SUMF1: variants seen among roughly 807,000 people sequenced by gnomAD.
SUMF1 encodes formylglycine-generating enzyme.
In SUMF1, 48 loss-of-function variants were observed where a neutral mutation model predicts 47.6. The ratio of observed to expected loss-of-function variants is 1.01; its 90% CI spans 0.80 to 1.28. The LOEUF (loss-of-function observed/expected upper bound fraction) is 1.28, where lower values mean the gene tolerates loss of function less well. Among genes scored for constraint, SUMF1 ranks in the 50% most tolerant of loss-of-function variants. The pLI is 0.00. For missense variants in SUMF1, 571 were observed against 485.4 expected, an observed-to-expected ratio of 1.18 and a Z score of -1.66; for synonymous variants, 230 against 192.1, an observed-to-expected ratio of 1.20 and a Z score of -1.63.
intron 8 of SUMF1, among the ~76,000 whole-genome samples, chr3:4,344,658 A>G (rs1487830449): frequency 1.3e-5 from 2 of 152,172 alleles, no homozygotes; most frequent in African/African-American, 4.8e-5. Flanking sequence ...CTCTCCATCA[A>G]GGGCGCAGAA....
intron 8 of SUMF1, among the ~76,000 whole-genome samples, chr3:4,143,633 G>A (rs977043997): frequency 6.6e-6 from 1 of 152,230 alleles, no homozygotes; most frequent in African/African-American, 2.4e-5. Context: ...TAGACTAGTT[G>A]AATCTTGGAT....
At chr3:4,177,494 G>C (rs1220677133) in intron 8 of SUMF1, among the ~76,000 whole-genome samples, 2 of 152,088 alleles carry the variant, frequency 1.3e-5, no homozygotes, top group African/African-American at 4.8e-5. Flanking sequence ...AAACCAATGA[G>C]AACAAAGACA....
At chr3:4,138,606 C>A (rs530740669) in intron 8 of SUMF1, among the ~76,000 whole-genome samples, 1 of 152,118 alleles carries the variant, frequency 6.6e-6, no homozygotes, top group South Asian at 2.1e-4. Flanking sequence ...ACCCTTTGAG[C>A]TTTGAGTATT....
At chr3:4,092,616 C>T (rs573348538) in intron 8 of SUMF1, among the ~76,000 whole-genome samples, 93 of 152,216 alleles carry the variant, frequency 6.1e-4, no homozygotes, top group Admixed American at 3.3e-3. Context: ...TCTAAAGACT[C>T]ATACAAGAAA....
At chr3:4,080,265 C>A (rs1485605501) in intron 8 of SUMF1, among the ~76,000 whole-genome samples, 1 of 152,092 alleles carries the variant, frequency 6.6e-6, no homozygotes, top group Non-Finnish European at 1.5e-5. Context: ...CAGCTGGACA[C>A]CAAAAGATTA....
Position 4,259,952 on chromosome 3 carries a change from A to T in SUMF1, c.1014+116378T>A, listed in dbSNP as rs141374568. ...AACTGGAATGCTCAGAGGAGAAGTT[A>T]TAGTTGTCGTGAGTTAGAAAGTCCT... On this transcript the variant is annotated intron_variant and NMD_transcript_variant, in intron 8 of 12. Transcript: ENST00000448413. 8.3e-3 allele frequency among the ~76,000 whole-genome samples: 1,257 copies of T among 152,182 alleles called. 19 individuals carry two copies. The highest frequency in any genetic ancestry group is 0.029 in the South Asian group (139 of 4,824).
At position 4,211,954 on chromosome 3, in the gene SUMF1, C is replaced by T. The variant is rs376403448; in HGVS notation, c.1015-143209G>A. ...GTCAGGGACTTACAGATAAAACCCC[C>T]ATCTCCCAGGGACAGAGCACCTGGG... On this transcript the variant is annotated intron_variant and NMD_transcript_variant, in intron 8 of 12. Coordinates refer to the SUMF1 transcript ENST00000448413. Among the ~76,000 whole-genome samples, 43 of 152,302 alleles carry T rather than the reference C, an allele frequency of 2.8e-4. 5 individuals are homozygous for T. Among genetic ancestry groups the T allele is most frequent in the East Asian group, 1.9e-3 (10 of 5,174 alleles).
At chr3:4,205,149 T>A (rs1695623678) in intron 8 of SUMF1, among the ~76,000 whole-genome samples, 2 of 152,168 alleles carry the variant, frequency 1.3e-5, no homozygotes, top group South Asian at 4.1e-4. Flanking sequence ...CATTGTGATT[T>A]GTTACTGCCC....
intron 4 of SUMF1, among the ~76,000 whole-genome samples, chr3:4,418,801 G>A (rs539460962): frequency 1.2e-4 from 18 of 152,058 alleles, no homozygotes; most frequent in Non-Finnish European, 2.5e-4. Context: ...ACAAGAGGCC[G>A]GTCTTTTTTT....
intron 3 of SUMF1, among the ~76,000 whole-genome samples, chr3:4,441,278 C>T (rs992538382): frequency 2.6e-5 from 4 of 152,164 alleles, no homozygotes; most frequent in African/African-American, 9.7e-5. Flanking sequence ...GAATCTAATG[C>T]CTGATGATCT....
rs116930408 is a variant in SUMF1 at position 4,213,390 on chromosome 3, G to A, written c.1015-144645C>T. Among the ~76,000 whole-genome samples, 53 of 152,100 alleles carry A rather than the reference G, an allele frequency of 3.5e-4. 1 individual carries two copies. In the East Asian group the frequency reaches 9.3e-3, roughly 27 times the overall value. On this transcript the variant is annotated intron_variant and NMD_transcript_variant, in intron 8 of 12. Transcript: ENST00000448413. ...AAGATTTTGTCACCACCAGGCCTGC[G>A]TTACAAGAGCTCCTAAAGGAAGCAC...
At chr3:4,261,959 A>T (rs1697096132) in intron 8 of SUMF1, among the ~76,000 whole-genome samples, 2 of 152,308 alleles carry the variant, frequency 1.3e-5, no homozygotes, top group Admixed American at 1.3e-4. Context: ...GATTTCACTA[A>T]GAAATAAATA....
At chr3:4,325,161 G>T (rs928758802) in intron 8 of SUMF1, among the ~76,000 whole-genome samples, 1 of 151,984 alleles carries the variant, frequency 6.6e-6, no homozygotes, top group Non-Finnish European at 1.5e-5. Context: ...GGGAATTGTG[G>T]GTGCTAAAAT....
At chr3:4,345,238 T>G (rs904106267) in intron 8 of SUMF1, among the ~76,000 whole-genome samples, 5 of 152,052 alleles carry the variant, frequency 3.3e-5, no homozygotes, top group Admixed American at 2.0e-4. Flanking sequence ...ATCGTCAGAT[T>G]CTCCAAGGTC....
At chr3:4,277,119 T>G (rs963137950) in intron 8 of SUMF1, among the ~76,000 whole-genome samples, 2 of 152,144 alleles carry the variant, frequency 1.3e-5, no homozygotes, top group African/African-American at 4.8e-5. Context: ...ACTATCCTCC[T>G]CACTCCCAAT....
chr3:4,046,448 C>T (rs1294052072), intron 9 of SUMF1, among the ~76,000 whole-genome samples: 1 of 152,146 alleles, frequency 6.6e-6, no homozygotes, highest in African/African-American at 2.4e-5. Flanking sequence ...TTCCACTGGC[C>T]TAACCCATAA....
At chr3:4,133,387 A>G (rs1325822870) in intron 8 of SUMF1, among the ~76,000 whole-genome samples, 1 of 152,102 alleles carries the variant, frequency 6.6e-6, no homozygotes, top group African/African-American at 2.4e-5. Flanking sequence ...GGAGATGTGT[A>G]TGGGTTCAAG....
At position 4,228,291 on chromosome 3, in the gene SUMF1, T is replaced by A. The variant is rs115478153; in HGVS notation, c.1014+148039A>T. Among the ~76,000 whole-genome samples the A allele has an allele frequency of 2.7e-3, 412 of 152,232 alleles. 3 individuals are homozygous for A. Among genetic ancestry groups the A allele is most frequent in the African/African-American group, 9.4e-3 (392 of 41,556 alleles). ...CTAACTCAAAACATAGTTATCCACATACCAAGCCACCCTACTATGTCTCCT... is the reference window on the plus strand; with the variant it reads ...CTAACTCAAAACATAGTTATCCACAAACCAAGCCACCCTACTATGTCTCCT... On this transcript the variant is annotated intron_variant and NMD_transcript_variant, in intron 8 of 12. Transcript: ENST00000448413.
At chr3:4,203,897 G>A (rs749535006) in intron 8 of SUMF1, among the ~76,000 whole-genome samples, 11 of 151,680 alleles carry the variant, frequency 7.3e-5, no homozygotes, top group Non-Finnish European at 1.3e-4. Context: ...TCAACCCCCT[G>A]CTTTTTAACT....
Sources: gnomAD v4.1 joint callset for allele counts (sites outside exome capture counted in the v4.1 genomes callset) on GRCh38, gnomAD v4.1.1 for gene constraint, MANE v1.5 for transcripts, NCBI Gene and HGNC (gene_info 2026-07-23, HGNC 2026-07-21) for gene names.